Variants in DAB1 observed in about 807,000 individuals in gnomAD.
DAB1 encodes the protein DAB adaptor protein 1, also known as disabled homolog 1.
A neutral mutation model predicts 64.6 loss-of-function variants in DAB1; 15 were observed. The observed-to-expected ratio is 0.23, with a 90% CI of 0.16 to 0.36. The LOEUF (loss-of-function observed/expected upper bound fraction) is 0.36. DAB1 is among the 10% of genes least tolerant of loss of function. The pLI is 1.00. For synonymous variants in DAB1, 235 were observed against 251.9 expected, an observed-to-expected ratio of 0.93 and a Z score of 0.64; for missense variants, 596 against 706.7, an observed-to-expected ratio of 0.84 and a Z score of 1.78.
intron 4 of DAB1, among the ~76,000 whole-genome samples, chr1:57,122,049 A>G (rs949793621): frequency 6.6e-6 from 1 of 152,130 alleles, no homozygotes; most frequent in African/African-American, 2.4e-5. Context: ...TTTTGCAAAC[A>G]TTGCCTGTAC....
At chr1:57,431,143 C>CACAAAAA (rs749097562) in intron 7 of DAB1, among the ~76,000 whole-genome samples, 16,491 of 95,554 alleles carry the variant, frequency 0.17, 888 homozygotes, top group Non-Finnish European at 0.2. Flanking sequence ...AGGCCAAAAA[C>CACAAAAA]AAAAAAAAAA....
At chr1:58,303,445 G>T (rs1189958359) in intron 4 of DAB1, among the ~76,000 whole-genome samples, 1 of 152,152 alleles carries the variant, frequency 6.6e-6, no homozygotes, top group African/African-American at 2.4e-5. Context: ...GAGATGAACA[G>T]AACAGGTAAG....
chr1:57,729,931 G>T (rs894614942), intron 6 of DAB1, among the ~76,000 whole-genome samples: 1 of 152,180 alleles, frequency 6.6e-6, no homozygotes, highest in Non-Finnish European at 1.5e-5. Flanking sequence ...CTTATTAAAG[G>T]CACTATTATT....
intron 4 of DAB1, among the ~76,000 whole-genome samples, chr1:58,260,163 C>T (rs752771792): frequency 8.5e-5 from 13 of 152,126 alleles, no homozygotes; most frequent in Non-Finnish European, 1.6e-4. Flanking sequence ...AGATTATGTT[C>T]CCTGGGAACT....
At chr1:57,929,564 T>C (rs961154534) in intron 5 of DAB1, among the ~76,000 whole-genome samples, 1 of 152,158 alleles carries the variant, frequency 6.6e-6, no homozygotes, top group Non-Finnish European at 1.5e-5. Context: ...TAGGAGTGTA[T>C]TGGTCTGTTT....
At chr1:58,495,727 A>G (rs1329535501) in intron 3 of DAB1, among the ~76,000 whole-genome samples, 2 of 151,942 alleles carry the variant, frequency 1.3e-5, no homozygotes, top group Non-Finnish European at 2.9e-5. Flanking sequence ...TAGTTTTTGT[A>G]GATATCATAC....
chr1:57,701,906 T>C (rs1406380897), intron 6 of DAB1, among the ~76,000 whole-genome samples: 1 of 152,150 alleles, frequency 6.6e-6, no homozygotes, highest in Non-Finnish European at 1.5e-5. Context: ...GAATTGTTTA[T>C]TTCTGCACTA....
chr1:57,838,228 C>T (rs1024960764), intron 1 of DAB1, among the ~76,000 whole-genome samples: 1 of 152,020 alleles, frequency 6.6e-6, no homozygotes, highest in Non-Finnish European at 1.5e-5. Context: ...AAAAAACATG[C>T]AATAATATCA....
chr1:57,211,250 AG>A (rs1194232050), intron 2 of DAB1, among the ~76,000 whole-genome samples: 1 of 152,166 alleles, frequency 6.6e-6, no homozygotes, highest in African/African-American at 2.4e-5. Context: ...GATCTTTTGG[AG>A]GAAACAGCTG....
At chr1:57,883,012 A>T (rs911184858) in intron 1 of DAB1, among the ~76,000 whole-genome samples, 1 of 152,216 alleles carries the variant, frequency 6.6e-6, no homozygotes, top group Admixed American at 6.5e-5. Flanking sequence ...TTAAGGAAGG[A>T]TGTACACTAT....
intron 4 of DAB1, among the ~76,000 whole-genome samples, chr1:58,188,691 C>T (rs1953811): frequency 0.19 from 28,823 of 152,158 alleles, 2,928 homozygotes; most frequent in East Asian, 0.37. Context: ...GATGTTTTAA[C>T]AACTTGTAAT....
At chr1:58,351,472 G>C (rs1031783716) in intron 3 of DAB1, among the ~76,000 whole-genome samples, 1 of 152,090 alleles carries the variant, frequency 6.6e-6, no homozygotes, top group African/African-American at 2.4e-5. Context: ...CTAATGATCA[G>C]TGGGAGTGAA....
intron 3 of DAB1, among the ~76,000 whole-genome samples, chr1:58,483,699 C>T (rs1157658414): frequency 3.3e-5 from 5 of 152,156 alleles, no homozygotes; most frequent in South Asian, 2.1e-4. Flanking sequence ...CTCAGCTAAA[C>T]GGTGACCTAC....
chr1:58,082,721 T>C (rs1650072018), intron 5 of DAB1, among the ~76,000 whole-genome samples: 1 of 151,442 alleles, frequency 6.6e-6, no homozygotes, highest in South Asian at 2.1e-4. Flanking sequence ...AGAAGGTAAA[T>C]GACTGGAGAC....
At chr1:57,626,470 G>A (rs993333933) in intron 7 of DAB1, among the ~76,000 whole-genome samples, 4 of 152,182 alleles carry the variant, frequency 2.6e-5, no homozygotes, top group Admixed American at 1.3e-4. Context: ...GATCATTAGC[G>A]TCAGAGGACG....
rs192948420 is a variant in DAB1 at position 58,070,364 on chromosome 1, A to C, written n.387+80147T>G. On this transcript the variant is annotated intron_variant and non_coding_transcript_variant, in intron 5 of 20. Coordinates refer to the DAB1 transcript ENST00000485760. ...CATGCTGGCAAAGATGTCACACAGT[A>C]CATGGATTTGCTGGTTTGGTCATCA... Among the ~76,000 whole-genome samples, 412 of 152,334 alleles carry C rather than the reference A, an allele frequency of 2.7e-3. 1 individual carries two copies. Among genetic ancestry groups the C allele is most frequent in the Middle Eastern group, 6.8e-3 (2 of 294 alleles).
At chr1:58,445,247 T>C (rs769649394) in intron 3 of DAB1, among the ~76,000 whole-genome samples, 1 of 152,254 alleles carries the variant, frequency 6.6e-6, no homozygotes, top group African/African-American at 2.4e-5. Context: ...GCACAATTTC[T>C]AGTGCATGGT....
chr1:57,770,748 C>A (rs976142064), intron 6 of DAB1, among the ~76,000 whole-genome samples: 2 of 151,836 alleles, frequency 1.3e-5, no homozygotes, highest in African/African-American at 2.4e-5. Flanking sequence ...ATGCAAATAA[C>A]TTTTTTAGCT....
At chr1:57,251,275 T>A (rs1291149847) in intron 2 of DAB1, among the ~76,000 whole-genome samples, 4 of 152,204 alleles carry the variant, frequency 2.6e-5, no homozygotes, top group African/African-American at 9.6e-5. Context: ...GAAGAATGGC[T>A]TTGGGACTGC....
Sources: gnomAD v4.1 joint callset for allele counts (sites outside exome capture counted in the v4.1 genomes callset) on GRCh38, gnomAD v4.1.1 for gene constraint, MANE v1.5 for transcripts, NCBI Gene and HGNC (gene_info 2026-07-23, HGNC 2026-07-21) for gene names.